TNRC18: variants seen among roughly 807,000 people sequenced by gnomAD.
TNRC18 encodes trinucleotide repeat containing 18.
TNRC18 carries 69 observed loss-of-function variants against 226.7 expected under a neutral mutation model. That is an observed-to-expected ratio of 0.30 (90% confidence interval 0.25 to 0.37). The LOEUF (loss-of-function observed/expected upper bound fraction) is 0.37, where lower values mean the gene tolerates loss of function less well. Among genes scored for constraint, TNRC18 ranks in the 10% least tolerant of loss-of-function variants. The pLI, the probability that TNRC18 is intolerant of heterozygous loss-of-function variation, is 1.00. For synonymous variants in TNRC18, 2,449 were observed against 1,927.6 expected, an observed-to-expected ratio of 1.27 and a Z score of -7.09; for missense variants, 4,754 against 4,256.6, an observed-to-expected ratio of 1.12 and a Z score of -3.25.
intron 2 of TNRC18, among the ~76,000 whole-genome samples, chr7:5,406,468 A>G (rs1272126454): frequency 6.6e-6 from 1 of 151,396 alleles, no homozygotes; most frequent in Non-Finnish European, 1.5e-5. Flanking sequence ...TCTCAAAAAA[A>G]AATTTTTTTT....
chr7:5,377,052 G>A lies in TNRC18; in HGVS notation c.2462-59C>T, dbSNP rs897890183. 108 of 1,533,262 alleles carry A rather than the reference G, an allele frequency of 7.0e-5. No individual in the cohort carries two copies. The highest frequency in any genetic ancestry group is 1.3e-4 in the Admixed American group (6 of 45,024). The allele number at this position is 1,533,262 out of a possible 1,614,324, so 95.0% of individuals were successfully genotyped here. A position where few individuals can be genotyped will look rare whatever the true frequency, so the allele number is the denominator to read the frequency against. On this transcript the variant is annotated intron_variant, in intron 7 of 29. Transcript: ENST00000430969. This position sits in a 1 kb window ranked among gnomAD's most constrained non-coding sequence, Gnocchi z 5.8. ...GGGAGCCCCCAAGCGGTTTGTCCTCGGGCAGCCCCAGCCCAGCACCACCTC... is the reference window on the plus strand; with the variant it reads ...GGGAGCCCCCAAGCGGTTTGTCCTCAGGCAGCCCCAGCCCAGCACCACCTC...
Position 5,377,515 on chromosome 7 carries a change from G to A in TNRC18, c.2317C>T (p.Leu773=). The stretch of plus-strand genomic sequence containing the variant: ...CCCGTCACCATGAGGTTGGGGTTCA[G>A]GCCGTTAGGAGCACAGCTGGTAGGG... The part of the protein sequence containing the change: ...LHPTSCAPNG[L]NPNLMVTGGP... Residue 773 remains leucine, a synonymous_variant, in exon 7 of 30, where the codon CTG becomes TTG. Coordinates refer to ENST00000430969, the MANE Select transcript of TNRC18 (RefSeq NM_001080495.3). This position sits in a 1 kb window ranked among gnomAD's most constrained non-coding sequence, Gnocchi z 5.8. 6.3e-7 allele frequency: 1 copy of A among 1,588,228 alleles called. No homozygotes were observed. The highest frequency in any genetic ancestry group is 1.8e-5 in the Admixed American group (1 of 55,648).
chr7:5,324,240 C>A lies in TNRC18; in HGVS notation c.6416G>T (p.Gly2139Val). 6.2e-7 allele frequency: 1 copy of A among 1,610,448 alleles called. No individual in the cohort carries two copies. The change falls in exon 21 of 30, where the codon GGG becomes GTG. Residue 2139 changes from glycine to valine, a missense_variant. Gly to Val is a moderately radical substitution (Grantham distance 109). Transcript: ENST00000430969. The surrounding 1 kb of genome is among the most constrained non-coding windows in gnomAD (Gnocchi z 4.8). ...FSEDEHLPRG[G>V]AVERPLTPAP... is the part of the protein sequence containing the mutation. ...CGGGGTCAGCGGCCGCTCCACAGCC[C>A]CGCCACGCGGCAGGTGCTCGTCCTC...
chr7:5,327,194 A>G (rs1405217939), intron 19 of TNRC18, among the ~76,000 whole-genome samples: 1 of 152,236 alleles, frequency 6.6e-6, no homozygotes, highest in Admixed American at 6.5e-5. Flanking sequence ...AGTAATAAAT[A>G]AAGATAACAA....
intron 19 of TNRC18, among the ~76,000 whole-genome samples, chr7:5,330,894 C>T (rs912390470): frequency 1.3e-5 from 2 of 152,050 alleles, no homozygotes; most frequent in African/African-American, 4.8e-5. Context: ...AGGCTGGTCT[C>T]AAACTCCTGA....
intron 14 of TNRC18, among the ~76,000 whole-genome samples, chr7:5,359,831 A>T (rs1429302440): frequency 6.6e-6 from 1 of 151,638 alleles, no homozygotes; most frequent in Non-Finnish European, 1.5e-5. Context: ...GTACACTCAC[A>T]CACACACACA....
At chr7:5,335,765 C>T (rs986663461) in intron 18 of TNRC18, among the ~76,000 whole-genome samples, 2 of 149,390 alleles carry the variant, frequency 1.3e-5, no homozygotes, top group East Asian at 3.9e-4. Context: ...CCAGAGATAC[C>T]ACCTAAGAAA....
intron 4 of TNRC18, chr7:5,389,645 G>C (rs1348627502): frequency 5.2e-6 from 1 of 192,044 alleles, no homozygotes; most frequent in Non-Finnish European, 1.0e-5. Flanking sequence ...AATACAGGTG[G>C]GGTTTCACCA....
intron 2 of TNRC18, among the ~76,000 whole-genome samples, chr7:5,406,669 G>A (rs1781486272): frequency 6.6e-6 from 1 of 151,790 alleles, no homozygotes; most frequent in Admixed American, 6.6e-5. Flanking sequence ...TGGCCAACAG[G>A]GTGAAACCCC....
intron 2 of TNRC18, 58 bp downstream of exon 2, chr7:5,421,002 G>A (rs1466178872): frequency 5.8e-6 from 9 of 1,542,962 alleles, no homozygotes; most frequent in East Asian, 2.5e-5. Flanking sequence ...AGGAGGACCC[G>A]GCCGAGTGGA....
intron 2 of TNRC18, among the ~76,000 whole-genome samples, chr7:5,397,345 C>T (rs1357091801): frequency 6.6e-6 from 1 of 152,216 alleles, no homozygotes; most frequent in East Asian, 1.9e-4. Flanking sequence ...GCACGGAAGC[C>T]TAATGGCCCA....
In TNRC18 at chr7:5,394,018, A is replaced by C. The variant is rs192174240; in HGVS notation, c.343+422T>G. Among the ~76,000 whole-genome samples, 3 of 152,180 alleles carry C rather than the reference A, an allele frequency of 2.0e-5. No homozygotes were observed. The highest frequency in any genetic ancestry group is 4.4e-5 in the Non-Finnish European group (3 of 68,012). On this transcript the variant is annotated intron_variant, in intron 3 of 29. Transcript: ENST00000430969. This position sits in a 1 kb window ranked among gnomAD's most constrained non-coding sequence, Gnocchi z 4.5. Reference sequence around the variant, plus strand: ...CCACCATGCCCGGCCTGCTCCTGTAATTATTAATGAGCCTACTGTGTACCA... The same window carrying C: ...CCACCATGCCCGGCCTGCTCCTGTACTTATTAATGAGCCTACTGTGTACCA...
At chr7:5,395,820 C>G (rs760983441) in intron 2 of TNRC18, among the ~76,000 whole-genome samples, 1 of 152,118 alleles carries the variant, frequency 6.6e-6, no homozygotes, top group Non-Finnish European at 1.5e-5. Flanking sequence ...TGAAACCCCG[C>G]CCCTACTAAA....
At chr7:5,321,423 C>A (rs1052902140) in intron 21 of TNRC18, among the ~76,000 whole-genome samples, 1 of 152,092 alleles carries the variant, frequency 6.6e-6, no homozygotes, top group African/African-American at 2.4e-5. Context: ...TCCTAGCCCC[C>A]TCCCCTGCCT....
Position 5,370,726 on chromosome 7 carries a change from T to C in TNRC18, c.3868A>G (p.Thr1290Ala). Reference protein sequence around the residue: ...AQVAPSESQPTLEMSDCDVPA... With the variant: ...AQVAPSESQPALEMSDCDVPA... ...ACGTCACAGTCTGACATTTCTAGGG[T>C]GGGCTGGGACTCGCTCGGTGCCACC... The change falls in exon 11 of 30, where the codon ACC becomes GCC. Residue 1290 changes from threonine to alanine, a missense_variant. Coordinates refer to ENST00000430969, the MANE Select transcript of TNRC18 (RefSeq NM_001080495.3). The C allele has an allele frequency of 6.2e-7, 1 of 1,607,650 alleles. No homozygotes were observed. Among genetic ancestry groups the C allele is most frequent in the Non-Finnish European group, 8.5e-7 (1 of 1,177,706 alleles).
At chr7:5,330,082 C>G (rs898168390) in intron 19 of TNRC18, 1 of 425,978 alleles carries the variant, frequency 2.3e-6, no homozygotes, top group South Asian at 1.7e-5. Context: ...TAGGTGCCCC[C>G]CAACACACCC....
Position 5,313,160 on chromosome 7 carries a change from G to A in TNRC18, c.7731C>T (p.Ser2577=), listed in dbSNP as rs191028877. The part of the protein sequence containing the change: ...SSSSSSSSSS[S]GSETEGEEEG... ...CCTCCTCCCCTTCTGTCTCCGAGCC[G>A]CTGCTGCTGCTGCTGCTGCTGCTGC... Residue 2577 remains serine (S), a synonymous_variant, in exon 27 of 30, where the codon AGC becomes AGT. Coordinates refer to ENST00000430969, the MANE Select transcript of TNRC18 (RefSeq NM_001080495.3). 2.3e-3 allele frequency: 3,054 copies of A among 1,332,738 alleles called. 45 individuals are homozygous for A. In the African/African-American group the frequency reaches 0.04, roughly 17 times the overall value. 82.6% of individuals were successfully genotyped at this position (1,332,738 alleles called of 1,614,324 possible).
intron 5 of TNRC18, among the ~76,000 whole-genome samples, chr7:5,380,634 ATC>A (rs1454674241): frequency 5.3e-5 from 8 of 152,156 alleles, no homozygotes; most frequent in African/African-American, 1.9e-4. Context: ...GACCTCCAAC[ATC>A]AACGTAGCTC....
chr7:5,386,198 G>A (rs955528701), intron 5 of TNRC18, among the ~76,000 whole-genome samples: 3 of 151,724 alleles, frequency 2.0e-5, no homozygotes, highest in African/African-American at 4.8e-5. Context: ...TGAGGCAGGA[G>A]AATCGCTTGA....
Sources: gnomAD v4.1 joint callset for allele counts (sites outside exome capture counted in the v4.1 genomes callset) on GRCh38, gnomAD v4.1.1 for gene constraint, Gnocchi (gnomAD v3.1) non-coding constraint, MANE v1.5 for transcripts, NCBI Gene and HGNC (gene_info 2026-07-23, HGNC 2026-07-21) for gene names.